Variants in WARS2 observed in about 807,000 individuals in gnomAD.
WARS2 encodes the protein tryptophanyl tRNA synthetase 2, mitochondrial, also known as tryptophan--tRNA ligase, mitochondrial.
WARS2 carries 28 observed loss-of-function variants against 36.5 expected under a neutral mutation model. The ratio of observed to expected loss-of-function variants is 0.77; its 90% confidence interval spans 0.57 to 1.05. WARS2 has a LOEUF of 1.05. Among genes scored for constraint, WARS2 ranks in the 50% least tolerant of loss-of-function variants. WARS2 has a pLI of 0.00. For missense variants in WARS2, 435 were observed against 456.8 expected, an observed-to-expected ratio of 0.95 and a Z score of 0.44; for synonymous variants, 174 against 178.4, an observed-to-expected ratio of 0.98 and a Z score of 0.20.
chr1:119,060,285 C>T (rs902046481), intron 2 of WARS2, among the ~76,000 whole-genome samples: 1 of 152,108 alleles, frequency 6.6e-6, no homozygotes, highest in Non-Finnish European at 1.5e-5. Context: ...GATGAAGGGG[C>T]CTGCATGGTT....
At chr1:119,104,156 TA>T (rs1654076880) in intron 1 of WARS2, among the ~76,000 whole-genome samples, 1 of 151,318 alleles carries the variant, frequency 6.6e-6, no homozygotes, top group East Asian at 1.9e-4. Flanking sequence ...TATTTCCATA[TA>T]TTACTCTGCT....
At chr1:119,126,318 A>C (rs1655652922) in intron 1 of WARS2, among the ~76,000 whole-genome samples, 1 of 152,106 alleles carries the variant, frequency 6.6e-6, no homozygotes, top group African/African-American at 2.4e-5. Flanking sequence ...TTTCAAATCT[A>C]ATTTACAATT....
intron 1 of WARS2, among the ~76,000 whole-genome samples, chr1:119,130,911 G>A (rs963235951): frequency 2.0e-5 from 3 of 152,140 alleles, no homozygotes; most frequent in Non-Finnish European, 4.4e-5. Flanking sequence ...ATACTGCCTG[G>A]TGAGGTCTGC....
At chr1:119,055,080 T>C (rs1460596617) in intron 2 of WARS2, among the ~76,000 whole-genome samples, 1 of 152,196 alleles carries the variant, frequency 6.6e-6, no homozygotes, top group Non-Finnish European at 1.5e-5. Context: ...AAAAGGTATA[T>C]AAAAATATAG....
intron 1 of WARS2, among the ~76,000 whole-genome samples, chr1:119,078,512 T>G (rs1210908511): frequency 1.3e-5 from 2 of 152,220 alleles, no homozygotes; most frequent in Non-Finnish European, 2.9e-5. Context: ...AGCAGTCTTT[T>G]TATTTTTAGC....
intron 1 of WARS2, among the ~76,000 whole-genome samples, chr1:119,086,572 C>T (rs1338877163): frequency 6.6e-6 from 1 of 152,114 alleles, no homozygotes; most frequent in Non-Finnish European, 1.5e-5. Flanking sequence ...CTCTTTTGAC[C>T]TCACCCCAGT....
chr1:119,131,931 G>A (rs1476895535), intron 1 of WARS2, among the ~76,000 whole-genome samples: 2 of 151,996 alleles, frequency 1.3e-5, no homozygotes, highest in Non-Finnish European at 2.9e-5. Flanking sequence ...TATGGCAATG[G>A]AAAGAATCCT....
Position 119,032,690 on chromosome 1 carries a change from A to C in WARS2, c.*221T>G. On this transcript the variant is annotated 3_prime_UTR_variant, in exon 6 of 6. Coordinates refer to ENST00000235521, the MANE Select transcript of WARS2 (RefSeq NM_015836.4). ...GGATTCAGACAGCTATGCCTTCTTGATTTATTTTTTGTTGTTGTTGTTCAC... is the reference window on the plus strand; with the variant it reads ...GGATTCAGACAGCTATGCCTTCTTGCTTTATTTTTTGTTGTTGTTGTTCAC... 2 of 554,144 alleles carry C rather than the reference A, an allele frequency of 3.6e-6. No homozygotes were observed. The highest frequency in any genetic ancestry group is 5.0e-5 in the South Asian group (2 of 40,196). The allele number at this position is 554,144 out of a possible 1,614,324, so 34.3% of individuals were successfully genotyped here.
chr1:119,079,706 C>T (rs1652043029), intron 1 of WARS2, among the ~76,000 whole-genome samples: 1 of 152,132 alleles, frequency 6.6e-6, no homozygotes, highest in Admixed American at 6.5e-5. Context: ...AGTCTATTTT[C>T]CTCTCAACTC....
At chr1:119,128,348 G>C (rs1214288247) in intron 1 of WARS2, among the ~76,000 whole-genome samples, 2 of 151,964 alleles carry the variant, frequency 1.3e-5, no homozygotes, top group Non-Finnish European at 2.9e-5. Context: ...TGGGATTATA[G>C]GCTAAATTCT....
chr1:119,117,900 C>T (rs1304919041), intron 1 of WARS2, among the ~76,000 whole-genome samples: 2 of 152,122 alleles, frequency 1.3e-5, no homozygotes, highest in Admixed American at 1.3e-4. Context: ...CATCAATGGA[C>T]CACCCTGTGG....
intron 1 of WARS2, among the ~76,000 whole-genome samples, chr1:119,095,341 T>G (rs1333872947): frequency 6.6e-6 from 1 of 152,234 alleles, no homozygotes; most frequent in Non-Finnish European, 1.5e-5. Flanking sequence ...CAAGTTTGTT[T>G]AAAAATTACC....
In WARS2 at chr1:119,045,678, A is replaced by G. The variant is rs374761461; in HGVS notation, c.349-16T>C. ...GTTCAGACACCTAAAGAAATAAAAT[A>G]GAACATTAGTAAAGGTGGCCAGTGT... is the stretch of plus-strand genomic sequence containing the variant. On this transcript the variant is annotated splice_polypyrimidine_tract_variant and intron_variant, in intron 2 of 5. Coordinates refer to ENST00000235521, the MANE Select transcript of WARS2 (RefSeq NM_015836.4). The G allele has an allele frequency of 1.3e-6, 2 of 1,569,078 alleles. No homozygotes were observed. Among genetic ancestry groups the G allele is most frequent in the Admixed American group, 3.5e-5 (2 of 56,486 alleles).
At position 119,091,867 on chromosome 1, in the gene WARS2, G is replaced by T. The variant is rs587736468; in HGVS notation, c.91-15260C>A. Among the ~76,000 whole-genome samples the T allele has an allele frequency of 3.3e-5, 5 of 152,304 alleles. No individual in the cohort carries two copies. The South Asian group carries it at 1.0e-3, about 32-fold the overall frequency. On this transcript the variant is annotated intron_variant, in intron 1 of 5. Coordinates refer to ENST00000235521, the MANE Select transcript of WARS2 (RefSeq NM_015836.4). ...GAGACGTAGAAGCCGCTGTGCTGAG[G>T]ACAGTAAAATACACAGCACAGTGTC...
At chr1:119,126,530 G>T in intron 1 of WARS2, 11 of 487,872 alleles carry the variant, frequency 2.3e-5, no homozygotes, top group Non-Finnish European at 2.6e-5. Flanking sequence ...ACTATTAAAA[G>T]TCTGAACTTC....
In WARS2 at chr1:119,117,045, C is replaced by T. The variant is rs184351519; in HGVS notation, c.90+23510G>A. Among the ~76,000 whole-genome samples the T allele has an allele frequency of 1.9e-4, 29 of 152,266 alleles. 1 individual carries two copies. Among genetic ancestry groups the T allele is most frequent in the African/African-American group, 6.7e-4 (28 of 41,566 alleles). On this transcript the variant is annotated intron_variant, in intron 1 of 5. Coordinates refer to ENST00000235521, the MANE Select transcript of WARS2 (RefSeq NM_015836.4). ...TTTTAGGCTAAGGCAAGATCTCAGC[C>T]CTGCTCTCCTGCTGCCTGGATATAA...
At chr1:119,126,515 T>C (rs1655669507) in intron 1 of WARS2, 1 of 521,778 alleles carries the variant, frequency 1.9e-6, no homozygotes, top group South Asian at 2.1e-5. Context: ...GACTTTTTAT[T>C]TGCCACTATT....
At chr1:119,136,817 T>C (rs1189869968) in intron 1 of WARS2, among the ~76,000 whole-genome samples, 2 of 152,250 alleles carry the variant, frequency 1.3e-5, no homozygotes, top group Non-Finnish European at 2.9e-5. Flanking sequence ...GGCAAGTTAC[T>C]TAACCAAAGA....
intron 1 of WARS2, among the ~76,000 whole-genome samples, chr1:119,087,442 G>T (rs1378739824): frequency 6.6e-6 from 1 of 152,184 alleles, no homozygotes; most frequent in Non-Finnish European, 1.5e-5. Context: ...TTAAAAATTG[G>T]TTCTTTGAAA....
Sources: gnomAD v4.1 joint callset for allele counts (sites outside exome capture counted in the v4.1 genomes callset) on GRCh38, gnomAD v4.1.1 for gene constraint, MANE v1.5 for transcripts, NCBI Gene and HGNC (gene_info 2026-07-23, HGNC 2026-07-21) for gene names.